The following ZNF451 variants were observed in gnomAD, a reference collection of about 807,000 sequenced individuals.
ZNF451 encodes the protein E3 SUMO-protein ligase ZNF451.
Under a neutral mutation model 107.1 loss-of-function variants are expected in ZNF451, and 80 were observed. The ratio of observed to expected loss-of-function variants is 0.75; its 90% CI spans 0.62 to 0.90. ZNF451 has a LOEUF of 0.90. Ranked by LOEUF, ZNF451 falls within the 40% of genes least tolerant of loss-of-function variation. ZNF451 has a pLI of 0.00. For missense variants in ZNF451, 1,107 were observed against 1,236.2 expected (o/e 0.90, Z 1.57); for synonymous variants, 362 against 406.5 (o/e 0.89, Z 1.32).
At position 57,150,870 on chromosome 6, in the gene ZNF451, T is replaced by C. The variant is rs1365514095; in HGVS notation, c.2752+8T>C. 6.2e-7 allele frequency: 1 copy of C among 1,613,002 alleles called. No individual in the cohort carries two copies. Among genetic ancestry groups the C allele is most frequent in the African/African-American group, 1.3e-5 (1 of 74,862 alleles). ...TTATTTGGGGCTTTCAAGGTACGGT[T>C]AATAAGAAAAACAAAAGAAAACTTT... On this transcript the variant is annotated splice_region_variant and intron_variant, in intron 11 of 14. Transcript: ENST00000370706.
rs1832389166 is a variant in ZNF451 at position 57,152,316 on chromosome 6, A to G, written c.2848A>G (p.Arg950Gly). Residue 950 changes from arginine (R) to glycine (G), a missense_variant, in exon 12 of 15, where the codon AGA becomes GGA. Around this residue, in one of 5 missense-constraint regions of ZNF451, gnomAD observed 151 missense variants for 173.3 expected, o/e 0.87. Coordinates refer to ENST00000370706, the MANE Select transcript of ZNF451 (RefSeq NM_001031623.3). ...CTTCCTTCATCCTCGCTGTAGTAAAAGAAAAGATGCTGCTGATTTTGCCAT... is the reference window on the plus strand; with the variant it reads ...CTTCCTTCATCCTCGCTGTAGTAAAGGAAAAGATGCTGCTGATTTTGCCAT... ...CFFLHPRCSK[R>G]KDAADFAICM... The G allele has an allele frequency of 6.2e-7, 1 of 1,614,036 alleles. No individual in the cohort carries two copies.
At chr6:57,119,982 T>C (rs1354297295) in intron 3 of ZNF451, among the ~76,000 whole-genome samples, 2 of 152,174 alleles carry the variant, frequency 1.3e-5, no homozygotes, top group Non-Finnish European at 2.9e-5. Flanking sequence ...TTATACATTC[T>C]CTAGGCTTTG....
chr6:57,138,741 ATGTGTGTG>A (rs1185366526), intron 7 of ZNF451, among the ~76,000 whole-genome samples: 10 of 46,600 alleles, frequency 2.1e-4, no homozygotes, highest in African/African-American at 7.4e-4. Context: ...ATATATATAT[ATGTGTGTG>A]TGTGTGTGTG....
intron 2 of ZNF451, among the ~76,000 whole-genome samples, chr6:57,092,285 C>T (rs1459472138): frequency 6.6e-6 from 1 of 152,132 alleles, no homozygotes; most frequent in African/African-American, 2.4e-5. Context: ...TAGCTTGTGA[C>T]TAGTTAATGT....
chr6:57,102,383 G>T (rs899861008), intron 3 of ZNF451: 1 of 1,085,288 alleles, frequency 9.2e-7, no homozygotes, highest in Non-Finnish European at 1.1e-6. Flanking sequence ...GACCACTCAG[G>T]AATCTGAATC....
At chr6:57,100,850 C>T in intron 3 of ZNF451, 3 of 1,548,464 alleles carry the variant, frequency 1.9e-6, no homozygotes, top group South Asian at 1.2e-5. Context: ...AATTTTCAGA[C>T]TCTGCCTTCA....
chr6:57,152,425 A>G, intron 12 of ZNF451, 74 bp downstream of exon 12: 1 of 1,540,816 alleles, frequency 6.5e-7, no homozygotes, highest in Non-Finnish European at 8.9e-7. Context: ...CTTGAATTGT[A>G]ATGAGACTTA....
intron 2 of ZNF451, among the ~76,000 whole-genome samples, chr6:57,095,410 G>A (rs1829246099): frequency 6.9e-6 from 1 of 144,918 alleles, no homozygotes; most frequent in East Asian, 2.0e-4. Flanking sequence ...ATAGCTCACT[G>A]CAGCCTTGAA....
chr6:57,141,976 T>G lies in ZNF451; in HGVS notation c.885T>G (p.Ser295=). The G allele has an allele frequency of 1.9e-6, 3 of 1,614,010 alleles. No homozygotes were observed. Among genetic ancestry groups the G allele is most frequent in the Non-Finnish European group, 2.5e-6 (3 of 1,179,932 alleles). Residue 295 remains serine (S), a synonymous_variant, in exon 9 of 15, where the codon TCT becomes TCG. Coordinates refer to ENST00000370706, the MANE Select transcript of ZNF451 (RefSeq NM_001031623.3). ...GDNKGIAHPI[S]FPSFAKKLLI... ...ACAAAGGAATTGCACATCCAATATC[T>G]TTCCCATCTTTTGCAAAGAAACTTT... is the stretch of plus-strand genomic sequence containing the variant.
At position 57,143,904 on chromosome 6, in the gene ZNF451, C is replaced by T. The variant is rs985911126; in HGVS notation, c.1004+1809C>T. On this transcript the variant is annotated intron_variant, in intron 9 of 14. Transcript: ENST00000370706. ...TGAAATCCTGATTACATGTTACAAC[C>T]TCAATGAACTTTGAAAACATTATGC... Among the ~76,000 whole-genome samples the T allele has an allele frequency of 2.0e-5, 3 of 152,136 alleles. 1 individual carries two copies. Among genetic ancestry groups the T allele is most frequent in the African/African-American group, 4.8e-5 (2 of 41,442 alleles).
At chr6:57,104,519 A>G (rs1195610206) in intron 3 of ZNF451, 1 of 985,222 alleles carries the variant, frequency 1.0e-6, no homozygotes, top group Non-Finnish European at 1.2e-6. Context: ...GAAATAAGTT[A>G]TGCCTGAGAA....
chr6:57,134,719 A>G (rs1055461505), intron 6 of ZNF451, 25 bp from the exon 7 acceptor site: 3 of 1,601,426 alleles, frequency 1.9e-6, no homozygotes, highest in Non-Finnish European at 2.6e-6. Flanking sequence ...ATCTAATATT[A>G]CCTCTTACCT....
In ZNF451 at chr6:57,147,684, T is replaced by G; in HGVS notation, c.1599T>G (p.Cys533Trp). Residue 533 changes from cysteine (C) to tryptophan (W), a missense_variant, in exon 10 of 15, where the codon TGT becomes TGG. Transcript: ENST00000370706. ...ATTTAAATAACTTTCTTTTCTGGTG[T>G]CGGACATGCAAAAAGGAGTTAACAA... ...GAHLNNFLFW[C>W]RTCKKELTRK... 6.2e-7 allele frequency: 1 copy of G among 1,614,106 alleles called. No individual in the cohort carries two copies. Among genetic ancestry groups the G allele is most frequent in the Non-Finnish European group, 8.5e-7 (1 of 1,179,972 alleles).
At chr6:57,107,432 A>C in intron 3 of ZNF451, 1 of 985,338 alleles carries the variant, frequency 1.0e-6, no homozygotes, top group Non-Finnish European at 1.2e-6. Context: ...CAATATCTCA[A>C]ACTACTTTGA....
Position 57,141,291 on chromosome 6 carries a change from T to A in ZNF451, c.703-11T>A, listed in dbSNP as rs1831744973. On this transcript the variant is annotated splice_polypyrimidine_tract_variant and intron_variant, in intron 7 of 14. Coordinates refer to ENST00000370706, the MANE Select transcript of ZNF451 (RefSeq NM_001031623.3). ...TAGTTTTCCATAATACAGCTTTGTC[T>A]TATATTTTAGGAAGCCACAGATGAT... 6.3e-7 allele frequency: 1 copy of A among 1,593,362 alleles called. No homozygotes were observed. Among genetic ancestry groups the A allele is most frequent in the Non-Finnish European group, 8.6e-7 (1 of 1,168,570 alleles).
intron 3 of ZNF451, chr6:57,103,568 A>G (rs2127942059): frequency 1.0e-6 from 1 of 985,414 alleles, no homozygotes; most frequent in Admixed American, 6.1e-5. Flanking sequence ...TCACAGCATG[A>G]CATCAGGAAT....
intron 2 of ZNF451, among the ~76,000 whole-genome samples, chr6:57,092,502 C>T (rs1829096878): frequency 6.6e-6 from 1 of 152,112 alleles, no homozygotes. Context: ...AGTGTAATTA[C>T]AATACTAGAA....
At chr6:57,146,717 T>C (rs1478612745) in intron 9 of ZNF451, among the ~76,000 whole-genome samples, 2 of 152,182 alleles carry the variant, frequency 1.3e-5, no homozygotes, top group Non-Finnish European at 2.9e-5. Flanking sequence ...AACTGGGTTG[T>C]CTAGAATCTT....
At chr6:57,111,804 G>A (rs1830129276) in intron 3 of ZNF451, among the ~76,000 whole-genome samples, 1 of 152,202 alleles carries the variant, frequency 6.6e-6, no homozygotes, top group Non-Finnish European at 1.5e-5. Flanking sequence ...TTACTCAAAA[G>A]AGAATATAGG....
Sources: allele counts gnomAD v4.1 joint callset (sites outside exome capture counted in the v4.1 genomes callset), GRCh38; gene constraint gnomAD v4.1.1; regional missense constraint gnomAD v4.1.1; transcripts MANE v1.5; gene names NCBI Gene and HGNC (gene_info 2026-07-23, HGNC 2026-07-21).